The following CASK variants were observed in gnomAD, a reference collection of about 807,000 sequenced individuals.
The protein encoded by CASK is peripheral plasma membrane protein CASK.
In CASK, 4 loss-of-function variants were observed where a neutral mutation model predicts 82.9. The ratio of observed to expected loss-of-function variants is 0.05; its 90% CI spans 0.02 to 0.11. The LOEUF (loss-of-function observed/expected upper bound fraction) is 0.11. CASK is among the 10% of genes least tolerant of loss of function. The pLI is 1.00. For missense variants in CASK, 358 were observed against 720.9 expected (o/e 0.50, Z 5.76); for synonymous variants, 259 against 253.5 (o/e 1.02, Z -0.20).
At chrX:41,564,292 C>T (rs957470999) in intron 16 of CASK, among the ~76,000 whole-genome samples, 1 of 112,250 alleles carries the variant, frequency 8.9e-6, no homozygotes, top group Non-Finnish European at 1.9e-5. Flanking sequence ...CTTCTTTAGC[C>T]CTAATAAAAG....
At chrX:41,836,693 T>C (rs1285782424) in intron 2 of CASK, among the ~76,000 whole-genome samples, 1 of 111,703 alleles carries the variant, frequency 9.0e-6, no homozygotes, top group African/African-American at 3.2e-5. Flanking sequence ...AAGCATATTC[T>C]ATAGTATTTT....
At chrX:41,861,785 A>T (rs2071484268) in intron 1 of CASK, among the ~76,000 whole-genome samples, 1 of 102,738 alleles carries the variant, frequency 9.7e-6, no homozygotes. Flanking sequence ...TATATATATT[A>T]CATGTATATA....
chrX:41,566,456 G>GACAAAGCATTCCTATACA (rs2065320048), intron 16 of CASK, among the ~76,000 whole-genome samples: 1 of 110,717 alleles, frequency 9.0e-6, no homozygotes, highest in Non-Finnish European at 1.9e-5. Flanking sequence ...CAAATAGAGA[G>GACAAAGCATTCCTATACA]CCAAATCATG....
At chrX:41,762,054 T>C (rs769114715) in intron 3 of CASK, among the ~76,000 whole-genome samples, 1 of 111,854 alleles carries the variant, frequency 8.9e-6, no homozygotes, top group African/African-American at 3.3e-5. Context: ...TTAATCCTCA[T>C]AAAAACACTA....
chrX:41,881,956 A>G (rs1176579077), intron 1 of CASK, among the ~76,000 whole-genome samples: 2 of 111,094 alleles, frequency 1.8e-5, no homozygotes, highest in Non-Finnish European at 3.8e-5. Context: ...CAACTCTCTG[A>G]GCCTTGGTTT....
At chrX:41,640,161 G>T (rs1005660192) in intron 8 of CASK, among the ~76,000 whole-genome samples, 1 of 110,916 alleles carries the variant, frequency 9.0e-6, no homozygotes, top group Non-Finnish European at 1.9e-5. Flanking sequence ...TTCCAAAGTG[G>T]TTATACCATT....
chrX:41,578,622 T>C, intron 14 of CASK, 94 bp from the exon 15 acceptor site: 2 of 660,020 alleles, frequency 3.0e-6, no homozygotes, highest in Non-Finnish European at 4.6e-6. Context: ...AGGGTCTCAC[T>C]CTGTCACCCA....
chrX:41,686,935 G>C (rs12851091), intron 5 of CASK, among the ~76,000 whole-genome samples: 2,964 of 111,827 alleles, frequency 0.027, 48 homozygotes, highest in Non-Finnish European at 0.043. Context: ...TATCGAAAAT[G>C]AGCTAAGAAC....
intron 11 of CASK, among the ~76,000 whole-genome samples, chrX:41,617,348 GA>G (rs767613715): frequency 3.3e-4 from 37 of 112,393 alleles, no homozygotes; most frequent in Non-Finnish European, 6.8e-4. Flanking sequence ...TCTCAATCAT[GA>G]AAAGAAGCAC....
At chrX:41,888,608 G>A (rs1210640065) in intron 1 of CASK, among the ~76,000 whole-genome samples, 1 of 107,816 alleles carries the variant, frequency 9.3e-6, no homozygotes, top group Non-Finnish European at 1.9e-5. Flanking sequence ...TTTTATGGCT[G>A]AGTAGTATTC....
chrX:41,612,051 A>T (rs748535311), intron 11 of CASK, among the ~76,000 whole-genome samples: 10,975 of 108,979 alleles, frequency 0.1, 617 homozygotes, highest in Middle Eastern at 0.16. Flanking sequence ...GCTCGCTACA[A>T]CCTCCACCTC....
intron 5 of CASK, among the ~76,000 whole-genome samples, chrX:41,687,653 T>C (rs755750555): frequency 9.0e-6 from 1 of 111,372 alleles, no homozygotes; most frequent in Admixed American, 9.6e-5. Context: ...TATTGAATTG[T>C]ATACTTAAAA....
At chrX:41,665,231 G>T (rs1355326520) in intron 7 of CASK, 46 bp downstream of exon 7, 1 of 1,082,617 alleles carries the variant, frequency 9.2e-7, no homozygotes, top group Non-Finnish European at 1.3e-6. Flanking sequence ...CATTTTTCAG[G>T]ATAAATTAAT....
intron 3 of CASK, among the ~76,000 whole-genome samples, chrX:41,778,798 A>G (rs2069414962): frequency 9.1e-6 from 1 of 109,971 alleles, no homozygotes; most frequent in African/African-American, 3.3e-5. Context: ...GATTTGTTTT[A>G]TACAAAAATC....
intron 21 of CASK, among the ~76,000 whole-genome samples, chrX:41,548,609 C>T (rs1285429222): frequency 9.0e-6 from 1 of 111,532 alleles, no homozygotes; most frequent in East Asian, 2.8e-4. Flanking sequence ...CCATATATTA[C>T]CCACGTGGCA....
At position 41,866,554 on chromosome X, in the gene CASK, T is replaced by C. The variant is rs1326568707; in HGVS notation, c.60-13327A>G. Among the ~76,000 whole-genome samples the C allele has an allele frequency of 4.5e-5, 5 of 112,297 alleles. No homozygotes were observed. The East Asian group carries it at 1.4e-3, about 31-fold the overall frequency. On this transcript the variant is annotated intron_variant, in intron 1 of 26. Coordinates refer to ENST00000378163, the MANE Select transcript of CASK (RefSeq NM_001367721.1). ...GAATAATTTCCAGGACATTTAGTTA[T>C]ATTTATAGAGGAAGGAAGGGGCAGT...
At chrX:41,522,430 A>G (rs1312963527) in intron 26 of CASK, 1 of 111,437 alleles carries the variant, frequency 9.0e-6, no homozygotes, top group Non-Finnish European at 1.9e-5. Flanking sequence ...CAGTGTAGAT[A>G]AGACCCCAGT....
At chrX:41,730,096 A>C (rs1201747297) in intron 5 of CASK, 14 of 121,922 alleles carry the variant, frequency 1.1e-4, no homozygotes, top group African/African-American at 4.6e-4. Flanking sequence ...ATAACCAAAC[A>C]AAAACAGCTG....
rs2067417986 is a variant in CASK, at chrX:41,684,957, A to C, written c.430-13427T>G. On this transcript the variant is annotated intron_variant, in intron 5 of 26. Coordinates refer to ENST00000378163, the MANE Select transcript of CASK (RefSeq NM_001367721.1). ...AATTCCCTATTTTTAGGAAATACAT[A>C]AATGGATAAGAGTGAGAGATTGAGA... Among the ~76,000 whole-genome samples the C allele has an allele frequency of 1.8e-5, 2 of 112,135 alleles. 1 individual carries two copies. Among genetic ancestry groups the C allele is most frequent in the African/African-American group, 6.5e-5 (2 of 30,887 alleles).
Sources: allele counts gnomAD v4.1 joint callset (sites outside exome capture counted in the v4.1 genomes callset), GRCh38; gene constraint gnomAD v4.1.1; transcripts MANE v1.5; gene names NCBI Gene and HGNC (gene_info 2026-07-23, HGNC 2026-07-21).